PHLPP1: variants seen among roughly 807,000 people sequenced by gnomAD.
The protein encoded by PHLPP1 is PH domain and leucine rich repeat protein phosphatase 1, also known as PH domain leucine-rich repeat-containing protein phosphatase 1.
Under a neutral mutation model 117.2 loss-of-function variants are expected in PHLPP1, and 42 were observed. The observed-to-expected ratio is 0.36, with a 90% confidence interval of 0.28 to 0.46. PHLPP1 has a LOEUF of 0.46. PHLPP1 is among the 20% of genes least tolerant of loss of function. The pLI, the probability that PHLPP1 is intolerant of heterozygous loss-of-function variation, is 1.00. For synonymous variants in PHLPP1, 1,042 were observed against 970.7 expected, an observed-to-expected ratio of 1.07 and a Z score of -1.37; for missense variants, 2,084 against 2,241.9, an observed-to-expected ratio of 0.93 and a Z score of 1.42.
intron 4 of PHLPP1, among the ~76,000 whole-genome samples, chr18:62,891,430 A>G (rs1204330324): frequency 6.6e-6 from 1 of 152,108 alleles, no homozygotes; most frequent in African/African-American, 2.4e-5. Context: ...TCTACTAAAA[A>G]TACAAAAATC....
intron 1 of PHLPP1, among the ~76,000 whole-genome samples, chr18:62,761,399 G>A (rs56760245): frequency 2.6e-5 from 4 of 151,898 alleles, no homozygotes; most frequent in Non-Finnish European, 5.9e-5. Context: ...TTGGGAGGCC[G>A]AGGCGGGCAG....
chr18:62,852,126 C>T (rs926095797), intron 3 of PHLPP1, among the ~76,000 whole-genome samples: 1 of 150,754 alleles, frequency 6.6e-6, no homozygotes, highest in African/African-American at 2.4e-5. Context: ...GTGGTCCTCC[C>T]GCCTCAGCCT....
intron 12 of PHLPP1, among the ~76,000 whole-genome samples, chr18:62,953,218 ACTT>A (rs1404371643): frequency 6.6e-6 from 1 of 152,130 alleles, no homozygotes; most frequent in Admixed American, 6.5e-5. Context: ...AGTGTAGACT[ACTT>A]CTGTATGAGA....
chr18:62,976,226 T>C (rs1224527162), intron 16 of PHLPP1, among the ~76,000 whole-genome samples: 1 of 151,836 alleles, frequency 6.6e-6, no homozygotes, highest in African/African-American at 2.4e-5. Flanking sequence ...GGGCGGAGAG[T>C]GCAATTGACA....
At chr18:62,717,735 G>A (rs1910803405) in intron 1 of PHLPP1, among the ~76,000 whole-genome samples, 1 of 152,102 alleles carries the variant, frequency 6.6e-6, no homozygotes, top group African/African-American at 2.4e-5. Flanking sequence ...GGGAGCTCCT[G>A]ACTTGTCAAC....
At chr18:62,833,056 T>C (rs1367163628) in intron 2 of PHLPP1, among the ~76,000 whole-genome samples, 1 of 152,166 alleles carries the variant, frequency 6.6e-6, no homozygotes, top group African/African-American at 2.4e-5. Context: ...GAATTTAACA[T>C]AGATTTTTAA....
chr18:62,882,373 A>G (rs191773141), intron 4 of PHLPP1, among the ~76,000 whole-genome samples: 1,921 of 150,636 alleles, frequency 0.013, 36 homozygotes, highest in African/African-American at 0.044. Context: ...GGTTCACGCC[A>G]TTCTCCTGCC....
At position 62,899,875 on chromosome 18, in the gene PHLPP1, G is replaced by T. The variant is rs1191231958; in HGVS notation, c.2445-3089G>T. 2.0e-5 allele frequency among the ~76,000 whole-genome samples: 3 copies of T among 152,282 alleles called. No individual in the cohort carries two copies. In the East Asian group the frequency reaches 5.8e-4, roughly 29 times the overall value. On this transcript the variant is annotated intron_variant, in intron 6 of 16. Transcript: ENST00000262719. ...TAGAGAGATGGGACCGCAGTTTGTTGCCTAGGCTGGCTCAAACTCTTGGGC... is the reference window on the plus strand; with the variant it reads ...TAGAGAGATGGGACCGCAGTTTGTTTCCTAGGCTGGCTCAAACTCTTGGGC...
intron 14 of PHLPP1, among the ~76,000 whole-genome samples, chr18:62,966,748 C>T (rs184413343): frequency 6.6e-5 from 10 of 152,234 alleles, no homozygotes; most frequent in Admixed American, 1.3e-4. Flanking sequence ...GGATTACAGG[C>T]GTGAGCTGCC....
At chr18:62,916,982 G>A (rs966858408) in intron 9 of PHLPP1, among the ~76,000 whole-genome samples, 3 of 149,970 alleles carry the variant, frequency 2.0e-5, no homozygotes, top group African/African-American at 7.3e-5. Context: ...TTGAACTCCT[G>A]ACCTCAGGTG....
intron 1 of PHLPP1, among the ~76,000 whole-genome samples, chr18:62,826,462 A>G: frequency 6.6e-6 from 1 of 152,212 alleles, no homozygotes; most frequent in East Asian, 1.9e-4. Flanking sequence ...TGATACTAAT[A>G]TACGTGGTCC....
chr18:62,916,063 C>G (rs937747712), intron 9 of PHLPP1, among the ~76,000 whole-genome samples: 2 of 152,022 alleles, frequency 1.3e-5, no homozygotes, highest in Middle Eastern at 3.2e-3. Context: ...TATGTGATCA[C>G]CATTCCTGTT....
chr18:62,781,548 C>T (rs1388298627), intron 1 of PHLPP1, among the ~76,000 whole-genome samples: 1 of 152,208 alleles, frequency 6.6e-6, no homozygotes, highest in Non-Finnish European at 1.5e-5. Context: ...CGCTCACCTT[C>T]ACTTGTGAGA....
intron 1 of PHLPP1, among the ~76,000 whole-genome samples, chr18:62,790,296 A>T (rs1913420215): frequency 6.6e-6 from 1 of 152,236 alleles, no homozygotes; most frequent in Admixed American, 6.5e-5. Flanking sequence ...GGGAGGAGGT[A>T]TCAAAAGTAG....
chr18:62,943,831 A>T (rs969258846), intron 11 of PHLPP1, among the ~76,000 whole-genome samples: 2 of 152,220 alleles, frequency 1.3e-5, no homozygotes, highest in African/African-American at 4.8e-5. Flanking sequence ...AAATATGATG[A>T]TAACATATTT....
chr18:62,854,945 C>G (rs1174291892), intron 3 of PHLPP1, among the ~76,000 whole-genome samples: 1 of 152,146 alleles, frequency 6.6e-6, no homozygotes, highest in Admixed American at 6.5e-5. Context: ...GATCCACCCA[C>G]CTCGGCCTCC....
chr18:62,859,639 T>C (rs1458926612), intron 3 of PHLPP1, among the ~76,000 whole-genome samples: 1 of 152,198 alleles, frequency 6.6e-6, no homozygotes, highest in Non-Finnish European at 1.5e-5. Context: ...TTGTGCTATT[T>C]TAAATCAGTA....
chr18:62,869,534 G>A (rs1915848589), intron 4 of PHLPP1, among the ~76,000 whole-genome samples: 1 of 152,092 alleles, frequency 6.6e-6, no homozygotes, highest in African/African-American at 2.4e-5. Flanking sequence ...TCCTGACTTA[G>A]AACATCATGA....
chr18:62,819,308 A>G (rs1255184749), intron 1 of PHLPP1, among the ~76,000 whole-genome samples: 1 of 152,240 alleles, frequency 6.6e-6, no homozygotes, highest in Non-Finnish European at 1.5e-5. Context: ...GAAGTGGTAT[A>G]ATATTACTTG....
Sources: allele counts gnomAD v4.1 joint callset (sites outside exome capture counted in the v4.1 genomes callset), GRCh38; gene constraint gnomAD v4.1.1; transcripts MANE v1.5; gene names NCBI Gene and HGNC (gene_info 2026-07-23, HGNC 2026-07-21).